Variants in CCNT2 observed in about 807,000 individuals in gnomAD.
The protein encoded by CCNT2 is cyclin-T2.
CCNT2 carries 18 observed loss-of-function variants against 70.0 expected under a neutral mutation model. That is an observed-to-expected ratio of 0.26 (90% CI 0.18 to 0.38). The LOEUF is 0.38. Among genes scored for constraint, CCNT2 ranks in the 10% least tolerant of loss-of-function variants. The pLI is 1.00. For synonymous variants in CCNT2, 334 were observed against 313.3 expected (o/e 1.07, Z -0.70); for missense variants, 734 against 890.2 (o/e 0.82, Z 2.23).
At chr2:134,928,287 T>TTTTTTTTTTTTTTTTTTTTTTTTA in intron 2 of CCNT2, among the ~76,000 whole-genome samples, 1 of 145,290 alleles carries the variant, frequency 6.9e-6, no homozygotes, top group Non-Finnish European at 1.5e-5. Context: ...TTTTTTTTTT[T>TTTTTTTTTTTTTTTTTTTTTTTTA]TTTTTTCTGA....
chr2:134,927,674 A>C (rs573825302), intron 2 of CCNT2, among the ~76,000 whole-genome samples: 1 of 152,356 alleles, frequency 6.6e-6, no homozygotes, highest in African/African-American at 2.4e-5. Context: ...TTTTGTTTTT[A>C]GTATTAATAG....
At chr2:134,925,909 G>T (rs1355230607) in intron 2 of CCNT2, among the ~76,000 whole-genome samples, 3 of 137,532 alleles carry the variant, frequency 2.2e-5, no homozygotes, top group African/African-American at 8.3e-5. Context: ...TCTGACACCC[G>T]GGCTGGAGTG....
intron 2 of CCNT2, among the ~76,000 whole-genome samples, chr2:134,932,254 G>T (rs1287257780): frequency 1.3e-5 from 2 of 152,110 alleles, no homozygotes; most frequent in Non-Finnish European, 1.5e-5. Flanking sequence ...GCCCGTCTTG[G>T]CATCCCGAAG....
chr2:134,924,334 A>G (rs1680122750), intron 2 of CCNT2, among the ~76,000 whole-genome samples: 1 of 152,242 alleles, frequency 6.6e-6, no homozygotes, highest in African/African-American at 2.4e-5. Context: ...GTGGATTATT[A>G]TAAAACAACC....
chr2:134,935,628 C>A (rs981436170), intron 2 of CCNT2, among the ~76,000 whole-genome samples: 1 of 152,128 alleles, frequency 6.6e-6, no homozygotes, highest in Non-Finnish European at 1.5e-5. Flanking sequence ...TGGGAAATTT[C>A]TTGAATGTAA....
chr2:134,946,961 A>G (rs1256107815), intron 6 of CCNT2, among the ~76,000 whole-genome samples: 3 of 152,328 alleles, frequency 2.0e-5, no homozygotes, highest in African/African-American at 7.2e-5. Flanking sequence ...CACATTGGCA[A>G]ATACTGCTAT....
chr2:134,945,701 G>C (rs1372135403), intron 5 of CCNT2: 2 of 1,269,182 alleles, frequency 1.6e-6, no homozygotes, highest in South Asian at 1.3e-5. Flanking sequence ...ATATGACTGA[G>C]GATTAAGTCT....
rs181927424 is a variant in CCNT2 at position 134,946,010 on chromosome 2, A to C, written c.494-91A>C. ...AAGTAAAATTTACTTTTTGTGTACA[A>C]ATCTTTGAAGTTTTTGTTGTGTTGA... is the stretch of plus-strand genomic sequence containing the variant. On this transcript the variant is annotated intron_variant, in intron 5 of 8. Coordinates refer to ENST00000264157, the MANE Select transcript of CCNT2 (RefSeq NM_058241.3). 1.0e-4 allele frequency: 164 copies of C among 1,608,412 alleles called. 1 individual carries two copies. The East Asian group carries it at 3.3e-3, about 32-fold the overall frequency.
chr2:134,944,808 C>G (rs1681831917), intron 5 of CCNT2: 1 of 985,320 alleles, frequency 1.0e-6, no homozygotes, highest in Non-Finnish European at 1.2e-6. Flanking sequence ...CCCCTCTATT[C>G]TCTGTTGCAC....
In CCNT2 at chr2:134,928,698, A is replaced by G. The variant is rs552148284; in HGVS notation, c.241-8143A>G. On this transcript the variant is annotated intron_variant, in intron 2 of 8. Coordinates refer to ENST00000264157, the MANE Select transcript of CCNT2 (RefSeq NM_058241.3). ...TCCAAAGGCAAATGTGCACTTTCACACTAATCTTAAACTGAGGGTTCATTT... is the reference window on the plus strand; with the variant it reads ...TCCAAAGGCAAATGTGCACTTTCACGCTAATCTTAAACTGAGGGTTCATTT... 3.3e-5 allele frequency among the ~76,000 whole-genome samples: 5 copies of G among 152,280 alleles called. No individual in the cohort carries two copies. In the East Asian group the frequency reaches 5.8e-4, roughly 18 times the overall value.
chr2:134,926,652 GTTC>G (rs1573783643), intron 2 of CCNT2, among the ~76,000 whole-genome samples: 1 of 152,182 alleles, frequency 6.6e-6, no homozygotes, highest in Non-Finnish European at 1.5e-5. Flanking sequence ...GCTCTTTGAG[GTTC>G]TTCTTATATC....
chr2:134,926,815 T>C (rs2105021344), intron 2 of CCNT2, among the ~76,000 whole-genome samples: 1 of 152,342 alleles, frequency 6.6e-6, no homozygotes, highest in Non-Finnish European at 1.5e-5. Flanking sequence ...CATGGGGTTT[T>C]GGTTTTGCTA....
At chr2:134,926,493 C>CA (rs1680310397) in intron 2 of CCNT2, among the ~76,000 whole-genome samples, 1 of 152,158 alleles carries the variant, frequency 6.6e-6, no homozygotes, top group Non-Finnish European at 1.5e-5. Flanking sequence ...CTTGGAAGAT[C>CA]AATTTCAAAA....
intron 4 of CCNT2, among the ~76,000 whole-genome samples, chr2:134,941,559 A>G (rs1681583659): frequency 6.6e-6 from 1 of 152,204 alleles, no homozygotes; most frequent in South Asian, 2.1e-4. Context: ...GGTCAGCTGT[A>G]AATTATTTGA....
intron 7 of CCNT2, among the ~76,000 whole-genome samples, chr2:134,949,597 G>T (rs1052752023): frequency 3.9e-5 from 6 of 151,996 alleles, no homozygotes; most frequent in Admixed American, 3.9e-4. Context: ...CTGTATTATT[G>T]CTGCATGATT....
intron 1 of CCNT2, among the ~76,000 whole-genome samples, 192 bp from the exon 2 acceptor site, chr2:134,919,618 C>T (rs747921289): frequency 6.6e-6 from 1 of 152,140 alleles, no homozygotes; most frequent in Non-Finnish European, 1.5e-5. Flanking sequence ...AGTTCTTATT[C>T]CCATTTATTT....
At chr2:134,946,290 G>A (rs1451911052) in intron 6 of CCNT2, 144 bp downstream of exon 6, 8 of 1,245,576 alleles carry the variant, frequency 6.4e-6, no homozygotes, top group South Asian at 1.4e-5. Flanking sequence ...TTTGCTTTGC[G>A]GTGTATTGTA....
At chr2:134,934,325 C>G (rs1380882313) in intron 2 of CCNT2, among the ~76,000 whole-genome samples, 1 of 152,178 alleles carries the variant, frequency 6.6e-6, no homozygotes, top group Admixed American at 6.5e-5. Context: ...TTACTTGAAC[C>G]AAACCAGCTG....
At chr2:134,933,693 T>G (rs1278947460) in intron 2 of CCNT2, among the ~76,000 whole-genome samples, 1 of 152,134 alleles carries the variant, frequency 6.6e-6, no homozygotes, top group African/African-American at 2.4e-5. Flanking sequence ...AGGAAGAAGG[T>G]GAGCAAGAGA....
Sources: gnomAD v4.1 joint callset for allele counts (sites outside exome capture counted in the v4.1 genomes callset) on GRCh38, gnomAD v4.1.1 for gene constraint, MANE v1.5 for transcripts, NCBI Gene and HGNC (gene_info 2026-07-23, HGNC 2026-07-21) for gene names.